Variants in CELSR1 observed in about 807,000 individuals in gnomAD.
CELSR1 encodes the protein adhesion G protein-coupled receptor C1.
Under a neutral mutation model 249.1 loss-of-function variants are expected in CELSR1, and 110 were observed. The observed-to-expected ratio is 0.44, with a 90% CI of 0.38 to 0.52. The LOEUF (loss-of-function observed/expected upper bound fraction) is 0.52, where lower values mean the gene tolerates loss of function less well. Ranked by LOEUF, CELSR1 falls within the 20% of genes least tolerant of loss-of-function variation. CELSR1 has a pLI of 0.00. For synonymous variants in CELSR1, 2,113 were observed against 1,900.0 expected (o/e 1.11, Z -2.92); for missense variants, 4,109 against 4,296.4 (o/e 0.96, Z 1.22).
rs958180985 is a variant in CELSR1, at chr22:46,402,799, A to T, written c.5227-2897T>A. Among the ~76,000 whole-genome samples the T allele has an allele frequency of 2.0e-5, 3 of 152,214 alleles. No homozygotes were observed. Among genetic ancestry groups the T allele is most frequent in the African/African-American group, 7.2e-5 (3 of 41,446 alleles). On this transcript the variant is annotated intron_variant, in intron 9 of 34. Transcript: ENST00000674500. The surrounding 1 kb of genome is among the most constrained non-coding windows in gnomAD (Gnocchi z 5.0). ...GCCATGTTTAAGTACATGTAAGAAG[A>T]ATCAGAAAACAAGGTTGTAACTAAC...
intron 2 of CELSR1, among the ~76,000 whole-genome samples, chr22:46,442,207 A>AC (rs1275820369): frequency 6.6e-6 from 1 of 152,120 alleles, no homozygotes; most frequent in Non-Finnish European, 1.5e-5. Context: ...GCTGAGGTAT[A>AC]CCCCCCACCC....
chr22:46,373,797 C>G (rs1488748157), intron 24 of CELSR1, among the ~76,000 whole-genome samples: 1 of 152,058 alleles, frequency 6.6e-6, no homozygotes, highest in Admixed American at 6.5e-5. Flanking sequence ...CTGCTCTGGA[C>G]ACACTGTCTA....
chr22:46,366,650 A>G (rs1001806394), intron 29 of CELSR1, among the ~76,000 whole-genome samples, 170 bp from the exon 30 acceptor site: 2 of 152,072 alleles, frequency 1.3e-5, no homozygotes, highest in Non-Finnish European at 2.9e-5. Context: ...TGCAAACGAG[A>G]GCCTCCTGGC....
At position 46,428,372 on chromosome 22, in the gene CELSR1, C is replaced by T. The variant is rs542275215; in HGVS notation, c.4611+5021G>A. On this transcript the variant is annotated intron_variant, in intron 5 of 34. Transcript: ENST00000674500. The surrounding 1 kb of genome is among the most constrained non-coding windows in gnomAD (Gnocchi z 5.7). ...ATCGCGACCAGCACAGCATCGTCCC[C>T]GGCCAGGTGACGGATGCCGAGTGCC... Among the ~76,000 whole-genome samples, 8 of 152,336 alleles carry T rather than the reference C, an allele frequency of 5.3e-5. No individual in the cohort carries two copies. Among genetic ancestry groups the T allele is most frequent in the South Asian group, 2.1e-4 (1 of 4,828 alleles).
rs546175041 is a variant in CELSR1 at position 46,465,572 on chromosome 22, G to A, written c.3545-1227C>T. On this transcript the variant is annotated intron_variant, in intron 1 of 34. Coordinates refer to ENST00000674500, the MANE Select transcript of CELSR1 (RefSeq NM_001378328.1). ...TCACCCCGAGCCCGGCAACACACCC[G>A]ACAAGGCACAGCGGCACGCGGGGAT... 8.1e-4 allele frequency among the ~76,000 whole-genome samples: 123 copies of A among 152,342 alleles called. 1 individual carries two copies. The highest frequency in any genetic ancestry group is 4.1e-3 in the Admixed American group (63 of 15,302).
At chr22:46,416,001 C>CT (rs762010370) in intron 5 of CELSR1, among the ~76,000 whole-genome samples, 3 of 151,830 alleles carry the variant, frequency 2.0e-5, no homozygotes, top group Non-Finnish European at 4.4e-5. Flanking sequence ...GTGGTAACAG[C>CT]TCCCGACTGT....
chr22:46,499,780 C>T lies in CELSR1; in HGVS notation c.3544+33847G>A, dbSNP rs552925559. ...ACCATCTCCCAGCATCCTCTGCTCTCGTCCCTCAGAACCCCAAGCCATTAG... is the reference window on the plus strand; with the variant it reads ...ACCATCTCCCAGCATCCTCTGCTCTTGTCCCTCAGAACCCCAAGCCATTAG... On this transcript the variant is annotated intron_variant, in intron 1 of 34. Transcript: ENST00000674500. Among the ~76,000 whole-genome samples the T allele has an allele frequency of 2.6e-5, 4 of 152,256 alleles. No homozygotes were observed. The East Asian group carries it at 5.8e-4, about 22-fold the overall frequency.
rs1226691139 is a variant in CELSR1, at chr22:46,506,084, C to G, written c.3544+27543G>C. On this transcript the variant is annotated intron_variant, in intron 1 of 34. Transcript: ENST00000674500. The surrounding 1 kb of genome is among the most constrained non-coding windows in gnomAD (Gnocchi z 4.1). ...ATCCCAGCTACTCGGGAGGCTGAGG[C>G]AGGAGAATCACTTGAACCTGGGAGG... 6.7e-6 allele frequency among the ~76,000 whole-genome samples: 1 copy of G among 150,356 alleles called. No homozygotes were observed. Among genetic ancestry groups the G allele is most frequent in the Admixed American group, 6.7e-5 (1 of 15,020 alleles).
At chr22:46,404,391 G>A (rs1569138723) in intron 9 of CELSR1, among the ~76,000 whole-genome samples, 2 of 151,560 alleles carry the variant, frequency 1.3e-5, no homozygotes, top group South Asian at 4.2e-4. Context: ...CAACCTGGGA[G>A]ACAGAGTGAG....
Position 46,396,479 on chromosome 22 carries a change from A to T in CELSR1, c.5843+126T>A, listed in dbSNP as rs1394101427. The T allele has an allele frequency of 6.9e-6, 7 of 1,007,684 alleles. No individual in the cohort carries two copies. The highest frequency in any genetic ancestry group is 7.8e-6 in the Non-Finnish European group (6 of 766,598). The allele number at this position is 1,007,684 out of a possible 1,614,324, so 62.4% of individuals were successfully genotyped here. On this transcript the variant is annotated intron_variant, in intron 13 of 34. Coordinates refer to ENST00000674500, the MANE Select transcript of CELSR1 (RefSeq NM_001378328.1). This position sits in a 1 kb window ranked among gnomAD's most constrained non-coding sequence, Gnocchi z 6.4. Reference sequence around the variant, plus strand: ...TTAATTCATGCCAAATTAAAAAAAAATATGTCCCTGTTACCCAGAATCACA... The same window carrying T: ...TTAATTCATGCCAAATTAAAAAAAATTATGTCCCTGTTACCCAGAATCACA...
At chr22:46,513,980 A>G (rs1331787113) in intron 1 of CELSR1, among the ~76,000 whole-genome samples, 3 of 151,936 alleles carry the variant, frequency 2.0e-5, no homozygotes, top group Non-Finnish European at 1.5e-5. Context: ...TTCTTAGTAG[A>G]GACGGGGTCT....
chr22:46,377,003 A>G lies in CELSR1; in HGVS notation c.7584+58T>C, dbSNP rs921249466. On this transcript the variant is annotated intron_variant, in intron 24 of 34. Coordinates refer to ENST00000674500, the MANE Select transcript of CELSR1 (RefSeq NM_001378328.1). ...TGCTTGGAGTGGCCAGGACAGGACT[A>G]TGGTAGCTGCTCCAAGCTGCGGCCC... 5.1e-6 allele frequency: 8 copies of G among 1,569,354 alleles called. No homozygotes were observed. The African/African-American group carries it at 9.4e-5, about 19-fold the overall frequency.
intron 2 of CELSR1, among the ~76,000 whole-genome samples, chr22:46,459,128 T>C (rs1338782923): frequency 6.6e-6 from 1 of 152,168 alleles, no homozygotes; most frequent in Non-Finnish European, 1.5e-5. Flanking sequence ...GACCTCGTGA[T>C]CCACGTGCCT....
intron 9 of CELSR1, among the ~76,000 whole-genome samples, chr22:46,400,329 G>C (rs1178378743): frequency 3.5e-5 from 5 of 142,078 alleles, no homozygotes; most frequent in Admixed American, 2.9e-4. Context: ...ACTTGGTCTC[G>C]AGAAAAAAAA....
In CELSR1 at chr22:46,377,155, C is replaced by T. The variant is rs753073378; in HGVS notation, c.7490G>A (p.Arg2497His). 60 of 1,613,558 alleles carry T rather than the reference C, an allele frequency of 3.7e-5. No homozygotes were observed. The highest frequency in any genetic ancestry group is 4.5e-5 in the Non-Finnish European group (53 of 1,179,974). The change falls in exon 24 of 35, where the codon CGC becomes CAC. Residue 2497 changes from arginine (R) to histidine (H), a missense_variant. This residue lies in a region of CELSR1 where 1,805 missense variants were observed against 1,831.6 expected (regional missense o/e 0.99). Transcript: ENST00000674500. ...CTTGTGAATGCTGTGCAGGTTGGAGCGCAGCATGCGGACCAGGCTCAGGAG... is the reference window on the plus strand; with the variant it reads ...CTTGTGAATGCTGTGCAGGTTGGAGTGCAGCATGCGGACCAGGCTCAGGAG... ...FVLLSLVRML[R>H]SNLHSIHKHL... is the part of the protein sequence containing the mutation.
In CELSR1 at chr22:46,366,391, G is replaced by C. The variant is rs778864028; in HGVS notation, c.8295C>G (p.Ile2765Met). Reference sequence around the variant, plus strand: ...ACCCGGAGCTGCGGCCTGACCTGACGATGCTGTCCAGCGAGGCGGTGGACT... The same window carrying C: ...ACCCGGAGCTGCGGCCTGACCTGACCATGCTGTCCAGCGAGGCGGTGGACT... ...LGESTASLDSIVRDEGIQKLG... is the reference protein window; with the variant it reads ...LGESTASLDSMVRDEGIQKLG... Residue 2765 changes from isoleucine (I) to methionine (M), a missense_variant, in exon 30 of 35, where the codon ATC (isoleucine) becomes ATG (methionine). Coordinates refer to ENST00000674500, the MANE Select transcript of CELSR1 (RefSeq NM_001378328.1). 1.3e-6 allele frequency: 2 copies of C among 1,548,672 alleles called. No individual in the cohort carries two copies. The highest frequency in any genetic ancestry group is 1.7e-6 in the Non-Finnish European group (2 of 1,145,840).
At position 46,409,715 on chromosome 22, in the gene CELSR1, G is replaced by C. The variant is rs199530027; in HGVS notation, c.5059+40C>G. 6 of 1,607,716 alleles carry C rather than the reference G, an allele frequency of 3.7e-6. No individual in the cohort carries two copies. The African/African-American group carries it at 6.7e-5, about 18-fold the overall frequency. ...CACATCAAGGAGCAATGCCTCCCAG[G>C]CCGCCGTGACCGGGGGGATGGACGA... is the stretch of plus-strand genomic sequence containing the variant. On this transcript the variant is annotated intron_variant, in intron 8 of 34. Coordinates refer to ENST00000674500, the MANE Select transcript of CELSR1 (RefSeq NM_001378328.1). The surrounding 1 kb of genome is among the most constrained non-coding windows in gnomAD (Gnocchi z 9.8).
At chr22:46,504,563 A>G (rs1307204815) in intron 1 of CELSR1, among the ~76,000 whole-genome samples, 1 of 151,956 alleles carries the variant, frequency 6.6e-6, no homozygotes, top group Admixed American at 6.6e-5. Context: ...AAAAAACTGC[A>G]TCTTCCCCAA....
intron 1 of CELSR1, among the ~76,000 whole-genome samples, chr22:46,521,226 G>T (rs549417728): frequency 6.6e-6 from 1 of 152,112 alleles, no homozygotes; most frequent in African/African-American, 2.4e-5. Flanking sequence ...GTTTTCAGCC[G>T]GGCGCGGTGG....
Sources: gnomAD v4.1 joint callset for allele counts (sites outside exome capture counted in the v4.1 genomes callset) on GRCh38, gnomAD v4.1.1 for gene constraint, gnomAD v4.1.1 regional missense constraint, Gnocchi (gnomAD v3.1) non-coding constraint, MANE v1.5 for transcripts, NCBI Gene and HGNC (gene_info 2026-07-23, HGNC 2026-07-21) for gene names.